Variants in PLCZ1 observed in about 807,000 individuals in gnomAD.
The protein encoded by PLCZ1 is 1-phosphatidylinositol 4,5-bisphosphate phosphodiesterase zeta-1.
A neutral mutation model predicts 76.8 loss-of-function variants in PLCZ1; 64 were observed. The ratio of observed to expected loss-of-function variants is 0.83; its 90% CI spans 0.68 to 1.03. PLCZ1 has a LOEUF of 1.03. PLCZ1 is among the 50% of genes least tolerant of loss of function. PLCZ1 has a pLI of 0.00. For missense variants in PLCZ1, 751 were observed against 713.7 expected (o/e 1.05, Z -0.60); for synonymous variants, 248 against 230.8 (o/e 1.07, Z -0.68).
intron 10 of PLCZ1, among the ~76,000 whole-genome samples, chr12:18,696,530 T>C (rs995939769): frequency 5.3e-5 from 8 of 151,554 alleles, no homozygotes; most frequent in Non-Finnish European, 1.2e-4. Flanking sequence ...AAGGAAAAAA[T>C]TGATTAGATA....
At chr12:18,707,204 T>A (rs575606009) in intron 6 of PLCZ1, among the ~76,000 whole-genome samples, 1 of 152,302 alleles carries the variant, frequency 6.6e-6, no homozygotes, top group African/African-American at 2.4e-5. Flanking sequence ...TAAAACAACA[T>A]TTACAAGTTC....
At chr12:18,655,664 G>A in the PLCZ1 span, among the ~76,000 whole-genome samples, 1 of 151,930 alleles carries the variant, frequency 6.6e-6, no homozygotes, top group Non-Finnish European at 1.5e-5. Flanking sequence ...CGTGTTGGCA[G>A]TATGTACCCT....
At chr12:18,693,000 G>A (rs1224519069) in intron 12 of PLCZ1, 1 of 1,407,818 alleles carries the variant, frequency 7.1e-7, no homozygotes, top group East Asian at 2.3e-5. Flanking sequence ...TCTTCTCATG[G>A]AGGAAGAATT....
chr12:18,709,121 T>C (rs927336792), intron 6 of PLCZ1, among the ~76,000 whole-genome samples: 53 of 152,176 alleles, frequency 3.5e-4, no homozygotes, highest in African/African-American at 1.2e-3. Context: ...TCTCCTATGT[T>C]CCCTTTTAGG....
At chr12:18,724,002 T>C (rs1958602482) in intron 3 of PLCZ1, among the ~76,000 whole-genome samples, 1 of 152,040 alleles carries the variant, frequency 6.6e-6, no homozygotes. Flanking sequence ...TGAGTAATCA[T>C]TGAAGGATTT....
At chr12:18,648,119 G>A in the PLCZ1 span, 1 of 695,118 alleles carries the variant, frequency 1.4e-6, no homozygotes, top group Non-Finnish European at 2.2e-6. Context: ...CATCTTTGTT[G>A]TCAAAGACAG....
At chr12:18,683,039 C>T (rs1247840445), downstream of PLCZ1, 3 of 559,784 alleles carry the variant, frequency 5.4e-6, no homozygotes, top group African/African-American at 1.9e-5. Context: ...GAACGCCATG[C>T]TGGGTTAGGA....
At chr12:18,646,210 A>G in the PLCZ1 span, among the ~76,000 whole-genome samples, 1 of 152,206 alleles carries the variant, frequency 6.6e-6, no homozygotes, top group Non-Finnish European at 1.5e-5. Context: ...TTTAATGAAC[A>G]TGTATTTTCA....
At chr12:18,737,099 G>C (rs538903866) in intron 2 of PLCZ1, among the ~76,000 whole-genome samples, 1 of 152,178 alleles carries the variant, frequency 6.6e-6, no homozygotes, top group African/African-American at 2.4e-5. Context: ...AAACTACTAA[G>C]TTTCAGATTG....
At chr12:18,685,035 T>G (rs1460348882) in intron 13 of PLCZ1, among the ~76,000 whole-genome samples, 1 of 152,068 alleles carries the variant, frequency 6.6e-6, no homozygotes. Context: ...GTGAGTCAAT[T>G]AAACCTCTTT....
chr12:18,671,598 A>G, the PLCZ1 span, among the ~76,000 whole-genome samples: 1 of 152,206 alleles, frequency 6.6e-6, no homozygotes, highest in African/African-American at 2.4e-5. Flanking sequence ...TACTAGGCAC[A>G]TCACAAGTGG....
intron 4 of PLCZ1, among the ~76,000 whole-genome samples, chr12:18,720,787 A>AT (rs1958393703): frequency 6.6e-6 from 1 of 152,096 alleles, no homozygotes; most frequent in African/African-American, 2.4e-5. Flanking sequence ...CATTAGCATT[A>AT]TTTATAAAAG....
intron 2 of PLCZ1, 115 bp downstream of exon 2, chr12:18,737,246 A>G: frequency 8.8e-7 from 1 of 1,136,974 alleles, no homozygotes; most frequent in South Asian, 1.2e-5. Context: ...AAAGCAGTTC[A>G]ACTTAAATGA....
At chr12:18,651,315 T>C in the PLCZ1 span, among the ~76,000 whole-genome samples, 1 of 152,092 alleles carries the variant, frequency 6.6e-6, no homozygotes, top group Admixed American at 6.6e-5. Context: ...CTGCCTACCT[T>C]GAACACCCTA....
the PLCZ1 span, among the ~76,000 whole-genome samples, chr12:18,668,581 T>A: frequency 7.2e-5 from 11 of 152,036 alleles, no homozygotes; most frequent in Admixed American, 7.2e-4. Context: ...TGGACCATCA[T>A]CTTCTGGCAC....
At chr12:18,659,250 A>C in the PLCZ1 span, among the ~76,000 whole-genome samples, 1 of 152,198 alleles carries the variant, frequency 6.6e-6, no homozygotes, top group Admixed American at 6.5e-5. Flanking sequence ...CATCTTATTT[A>C]ATCTCATAAC....
chr12:18,696,546 T>C (rs964040114), intron 10 of PLCZ1, among the ~76,000 whole-genome samples: 1 of 151,746 alleles, frequency 6.6e-6, no homozygotes, highest in Non-Finnish European at 1.5e-5. Flanking sequence ...AGATAATTTA[T>C]ATATTTTTTA....
At chr12:18,721,749 G>C (rs1418563850) in intron 4 of PLCZ1, among the ~76,000 whole-genome samples, 2 of 150,524 alleles carry the variant, frequency 1.3e-5, no homozygotes, top group Non-Finnish European at 3.0e-5. Flanking sequence ...GAACTCATCA[G>C]TTCTGCTTAG....
At chr12:18,700,538 A>T (rs7302811) in intron 9 of PLCZ1, among the ~76,000 whole-genome samples, 2 of 135,982 alleles carry the variant, frequency 1.5e-5, no homozygotes, top group Non-Finnish European at 3.1e-5. Flanking sequence ...AAAAAAAAAT[A>T]GTTGCTCTGC....
Sources: allele counts gnomAD v4.1 joint callset (sites outside exome capture counted in the v4.1 genomes callset), GRCh38; gene constraint gnomAD v4.1.1; transcripts MANE v1.5; gene names NCBI Gene and HGNC (gene_info 2026-07-23, HGNC 2026-07-21).